The following MED13L variants were observed in gnomAD, a reference collection of about 807,000 sequenced individuals.
The protein encoded by MED13L is mediator of RNA polymerase II transcription subunit 13-like.
Under a neutral mutation model 220.9 loss-of-function variants are expected in MED13L, and 7 were observed. That is an observed-to-expected ratio of 0.03 (90% CI 0.02 to 0.06). MED13L has a LOEUF of 0.06. Among genes scored for constraint, MED13L ranks in the 10% least tolerant of loss-of-function variants. The pLI is 1.00. For missense variants in MED13L, 1,965 were observed against 2,760.5 expected (o/e 0.71, Z 6.46); for synonymous variants, 1,011 against 1,015.2 (o/e 1.00, Z 0.08).
intron 4 of MED13L, among the ~76,000 whole-genome samples, chr12:116,074,176 G>T (rs533499638): frequency 3.9e-5 from 6 of 152,202 alleles, no homozygotes; most frequent in African/African-American, 1.4e-4. Context: ...AAGTGGATCA[G>T]GAGAGCTCAG....
intron 23 of MED13L, among the ~76,000 whole-genome samples, chr12:115,979,715 T>C (rs889700176): frequency 3.3e-5 from 5 of 152,262 alleles, no homozygotes; most frequent in East Asian, 1.9e-4. Flanking sequence ...AGCTCTCTTA[T>C]GGTAAAGAGG....
At chr12:116,040,296 G>C (rs549750254) in intron 4 of MED13L, among the ~76,000 whole-genome samples, 1 of 152,180 alleles carries the variant, frequency 6.6e-6, no homozygotes, top group East Asian at 1.9e-4. Flanking sequence ...AATTCACTTA[G>C]TAAGAAAATT....
intron 2 of MED13L, among the ~76,000 whole-genome samples, chr12:116,124,152 C>CAGAGACAGAG (rs1317898289): frequency 0.019 from 2,089 of 108,672 alleles, 55 homozygotes; most frequent in Admixed American, 0.06. Flanking sequence ...GAGAGAGAGA[C>CAGAGACAGAG]AGAGACAGAG....
At position 116,254,950 on chromosome 12, in the gene MED13L, A is replaced by T. The variant is rs547456304; in HGVS notation, c.73-17245T>A. On this transcript the variant is annotated intron_variant, in intron 1 of 30. Transcript: ENST00000281928. ...ATGTTCATGAACTGAAAGATTTAAA[A>T]TCGTTAAAATGTCAATTTTCCCAAT... is the stretch of plus-strand genomic sequence containing the variant. Among the ~76,000 whole-genome samples, 11 of 152,346 alleles carry T rather than the reference A, an allele frequency of 7.2e-5. No homozygotes were observed. The South Asian group carries it at 2.3e-3, about 32-fold the overall frequency.
chr12:116,217,906 C>T (rs954200833), intron 2 of MED13L, among the ~76,000 whole-genome samples: 2 of 152,230 alleles, frequency 1.3e-5, no homozygotes, highest in South Asian at 2.1e-4. Context: ...ATTCAAAATG[C>T]ATTAATTAAG....
At chr12:116,115,655 AAACTT>A (rs1465564984) in intron 2 of MED13L, among the ~76,000 whole-genome samples, 1 of 152,056 alleles carries the variant, frequency 6.6e-6, no homozygotes, top group Non-Finnish European at 1.5e-5. Context: ...TTTAATCTCA[AAACTT>A]AACTACCAAA....
chr12:116,020,241 A>T (rs1417576585), intron 5 of MED13L, among the ~76,000 whole-genome samples: 1 of 152,164 alleles, frequency 6.6e-6, no homozygotes, highest in Non-Finnish European at 1.5e-5. Flanking sequence ...GATATTTTGA[A>T]GTTTCTTGTT....
At chr12:116,265,379 A>G (rs1872759837) in intron 1 of MED13L, among the ~76,000 whole-genome samples, 1 of 152,238 alleles carries the variant, frequency 6.6e-6, no homozygotes, top group African/African-American at 2.4e-5. Context: ...ACAGTTCAAC[A>G]ATTCTAATTT....
chr12:116,231,680 G>A (rs140863294), intron 2 of MED13L, among the ~76,000 whole-genome samples: 1 of 152,208 alleles, frequency 6.6e-6, no homozygotes, highest in Non-Finnish European at 1.5e-5. Flanking sequence ...TAAATTTCTT[G>A]AGCATGCCAA....
intron 3 of MED13L, among the ~76,000 whole-genome samples, chr12:116,105,191 G>A (rs1036493849): frequency 6.6e-6 from 1 of 152,166 alleles, no homozygotes; most frequent in African/African-American, 2.4e-5. Flanking sequence ...TAAGGAGTGT[G>A]AGGCAATCTG....
intron 10 of MED13L, 170 bp downstream of exon 10, chr12:116,008,231 C>G (rs1207314877): frequency 1.1e-6 from 1 of 927,532 alleles, no homozygotes; most frequent in Non-Finnish European, 1.6e-6. Flanking sequence ...TGTGTGCTAA[C>G]CTATAAGTAG....
At chr12:116,255,190 T>C (rs1393599388) in intron 1 of MED13L, among the ~76,000 whole-genome samples, 6 of 152,168 alleles carry the variant, frequency 3.9e-5, no homozygotes, top group Admixed American at 3.9e-4. Flanking sequence ...AACAGACATG[T>C]AGATCAAAGG....
At chr12:116,048,035 C>CTT (rs60589463) in intron 4 of MED13L, among the ~76,000 whole-genome samples, 56 of 146,196 alleles carry the variant, frequency 3.8e-4, no homozygotes, top group East Asian at 2.2e-3. Context: ...ATATATGTTA[C>CTT]TTTTTTTTTT....
At chr12:116,183,989 G>A (rs529836964) in intron 2 of MED13L, among the ~76,000 whole-genome samples, 1 of 152,230 alleles carries the variant, frequency 6.6e-6, no homozygotes, top group East Asian at 1.9e-4. Context: ...TCCAAATACA[G>A]TTTACAAACC....
intron 4 of MED13L, among the ~76,000 whole-genome samples, chr12:116,094,498 G>T (rs1273167256): frequency 6.6e-6 from 1 of 152,192 alleles, no homozygotes; most frequent in Non-Finnish European, 1.5e-5. Flanking sequence ...GAGCCAAAAT[G>T]AGTGTAAAGA....
intron 25 of MED13L, among the ~76,000 whole-genome samples, chr12:115,972,766 T>G (rs1876678535): frequency 6.6e-6 from 1 of 152,190 alleles, no homozygotes; most frequent in South Asian, 2.1e-4. Context: ...AGTGAAGTGC[T>G]CCAAATGATG....
chr12:116,000,518 G>C (rs1878674473), intron 14 of MED13L, among the ~76,000 whole-genome samples: 1 of 152,156 alleles, frequency 6.6e-6, no homozygotes, highest in Non-Finnish European at 1.5e-5. Flanking sequence ...TGATTTCTTA[G>C]TGTTCTCCTC....
At position 116,193,147 on chromosome 12, in the gene MED13L, C is replaced by A. The variant is rs1232977079; in HGVS notation, c.310+44321G>T. On this transcript the variant is annotated intron_variant, in intron 2 of 30. Coordinates refer to ENST00000281928, the MANE Select transcript of MED13L (RefSeq NM_015335.5). ...CCTTCTCAAAAAGAAACAACAACAA[C>A]AAAAAAAACAAAAATTAGGCAGGCA... Among the ~76,000 whole-genome samples the A allele has an allele frequency of 5.3e-5, 8 of 150,912 alleles. No homozygotes were observed. The East Asian group carries it at 5.8e-4, about 11-fold the overall frequency.
At position 116,277,594 on chromosome 12, in the gene MED13L, G is replaced by A. The variant is rs1049844902; in HGVS notation, c.-463C>T. Among the ~76,000 whole-genome samples the A allele has an allele frequency of 7.4e-5, 11 of 149,370 alleles. No homozygotes were observed. Among genetic ancestry groups the A allele is most frequent in the African/African-American group, 1.9e-4 (8 of 41,100 alleles). On this transcript the variant is annotated 5_prime_UTR_variant, in exon 1 of 31. Transcript: ENST00000281928. ...AAGCCAGCGGGCGACCCCGGCAGCCGAGCGACGTCCCCTCCTTCCTCTTCC... is the reference window on the plus strand; with the variant it reads ...AAGCCAGCGGGCGACCCCGGCAGCCAAGCGACGTCCCCTCCTTCCTCTTCC...
Sources: gnomAD v4.1 joint callset for allele counts (sites outside exome capture counted in the v4.1 genomes callset) on GRCh38, gnomAD v4.1.1 for gene constraint, MANE v1.5 for transcripts, NCBI Gene and HGNC (gene_info 2026-07-23, HGNC 2026-07-21) for gene names.